ABCB5: variants seen among roughly 807,000 people sequenced by gnomAD.
ABCB5 encodes ATP-binding cassette sub-family B member 5.
A neutral mutation model predicts 144.2 loss-of-function variants in ABCB5; 155 were observed. That is an observed-to-expected ratio of 1.08 (90% CI 0.94 to 1.23). The LOEUF is 1.23. Among genes scored for constraint, ABCB5 ranks in the 50% most tolerant of loss-of-function variants. ABCB5 has a pLI of 0.00. For missense variants in ABCB5, 1,830 were observed against 1,520.8 expected (o/e 1.20, Z -3.38); for synonymous variants, 610 against 528.6 (o/e 1.15, Z -2.11).
At chr7:20,667,435 A>C in intron 14 of ABCB5, 2 of 985,586 alleles carry the variant, frequency 2.0e-6, no homozygotes, top group Non-Finnish European at 2.4e-6. Context: ...TGGAATTCTC[A>C]GACCTTTTCT....
At position 20,627,532 on chromosome 7, in the gene ABCB5, C is replaced by A. The variant is rs535416636; in HGVS notation, c.108+921C>A. Among the ~76,000 whole-genome samples, 5 of 152,110 alleles carry A rather than the reference C, an allele frequency of 3.3e-5. No individual in the cohort carries two copies. The East Asian group carries it at 9.6e-4, about 29-fold the overall frequency. ...TTTTGGCCTCTCTCGGTAATATAAA[C>A]AATCCATATTTTCAATTTTGCTCAT... On this transcript the variant is annotated intron_variant, in intron 3 of 27. Coordinates refer to ENST00000404938, the MANE Select transcript of ABCB5 (RefSeq NM_001163941.2).
At chr7:20,634,033 CCT>C (rs1784096394) in intron 5 of ABCB5, among the ~76,000 whole-genome samples, 1 of 152,006 alleles carries the variant, frequency 6.6e-6, no homozygotes, top group African/African-American at 2.4e-5. Flanking sequence ...ACCCTTTCAG[CCT>C]CTGAGTCTCC....
intron 23 of ABCB5, among the ~76,000 whole-genome samples, chr7:20,734,451 G>A (rs903511280): frequency 6.7e-6 from 1 of 149,382 alleles, no homozygotes; most frequent in African/African-American, 2.5e-5. Flanking sequence ...GTATGGGGCA[G>A]GAATCTTCAT....
At chr7:20,640,260 T>G (rs1039014027) in intron 5 of ABCB5, among the ~76,000 whole-genome samples, 1 of 152,180 alleles carries the variant, frequency 6.6e-6, no homozygotes, top group East Asian at 1.9e-4. Context: ...ATTCTGAAGA[T>G]TACTCTTAGG....
chr7:20,741,194 A>C (rs1392114247), intron 24 of ABCB5, among the ~76,000 whole-genome samples: 7 of 151,990 alleles, frequency 4.6e-5, no homozygotes, highest in Non-Finnish European at 7.4e-5. Context: ...CCATTTATTA[A>C]ATTTTTCTCT....
chr7:20,678,876 A>T (rs1218924280), intron 14 of ABCB5, among the ~76,000 whole-genome samples: 1 of 152,186 alleles, frequency 6.6e-6, no homozygotes, highest in Admixed American at 6.5e-5. Flanking sequence ...TATAGTAGGG[A>T]AATGATGGTC....
intron 20 of ABCB5, among the ~76,000 whole-genome samples, chr7:20,715,876 C>T (rs190251643): frequency 1.3e-5 from 2 of 152,092 alleles, no homozygotes; most frequent in East Asian, 1.9e-4. Context: ...CCCACCACCA[C>T]GCCCAGCTAA....
At chr7:20,669,689 TC>T (rs1785397004) in intron 14 of ABCB5, among the ~76,000 whole-genome samples, 1 of 57,162 alleles carries the variant, frequency 1.7e-5, no homozygotes, top group Non-Finnish European at 3.5e-5. Context: ...CCCTGCCAAA[TC>T]CCCCTCTGCG....
At chr7:20,669,781 T>C (rs1482993769) in intron 14 of ABCB5, among the ~76,000 whole-genome samples, 2 of 9,044 alleles carry the variant, frequency 2.2e-4, no homozygotes, top group African/African-American at 4.7e-4. Context: ...ACAGAATAAA[T>C]AGAGATTTAT....
chr7:20,737,752 TA>T (rs397952067), intron 23 of ABCB5, among the ~76,000 whole-genome samples: 18 of 146,828 alleles, frequency 1.2e-4, no homozygotes, highest in South Asian at 4.4e-4. Flanking sequence ...AAAACACATT[TA>T]AAAAAAAAAA....
chr7:20,673,173 G>A (rs1163782195), intron 14 of ABCB5, among the ~76,000 whole-genome samples: 6 of 152,008 alleles, frequency 3.9e-5, no homozygotes, highest in African/African-American at 9.7e-5. Flanking sequence ...ATTAAGAGTC[G>A]TTTTATGGCA....
chr7:20,714,591 C>G (rs906873147), intron 20 of ABCB5, among the ~76,000 whole-genome samples: 1 of 152,046 alleles, frequency 6.6e-6, no homozygotes, highest in African/African-American at 2.4e-5. Context: ...ACCACCAACA[C>G]CGAAAAGCAG....
intron 14 of ABCB5, chr7:20,658,958 C>T: frequency 7.8e-7 from 1 of 1,283,714 alleles, no homozygotes; most frequent in Non-Finnish European, 1.1e-6. Flanking sequence ...CACTTTCCAC[C>T]TCCCTAGAGT....
intron 20 of ABCB5, among the ~76,000 whole-genome samples, chr7:20,717,865 T>A (rs13244453): frequency 6.9e-6 from 1 of 144,970 alleles, no homozygotes. Flanking sequence ...CCAAATACGG[T>A]AACATTCTTG....
chr7:20,638,955 T>C (rs1784224575), intron 5 of ABCB5, among the ~76,000 whole-genome samples: 1 of 152,028 alleles, frequency 6.6e-6, no homozygotes, highest in African/African-American at 2.4e-5. Context: ...TCAAAGTGGC[T>C]ACACCATTTT....
chr7:20,754,294 T>C (rs1783017828), intron 27 of ABCB5, among the ~76,000 whole-genome samples: 1 of 152,222 alleles, frequency 6.6e-6, no homozygotes, highest in Non-Finnish European at 1.5e-5. Context: ...TGATTGCTGC[T>C]TGAAGATGAT....
intron 20 of ABCB5, among the ~76,000 whole-genome samples, chr7:20,720,791 A>G (rs565910573): frequency 6.6e-6 from 1 of 151,794 alleles, no homozygotes; most frequent in African/African-American, 2.4e-5. Flanking sequence ...TAAAAATACA[A>G]AAATTAGCCG....
chr7:20,657,765 T>G (rs549766256), intron 13 of ABCB5, among the ~76,000 whole-genome samples: 1 of 152,244 alleles, frequency 6.6e-6, no homozygotes, highest in Non-Finnish European at 1.5e-5. Context: ...TTTTATTGTG[T>G]GTAAATTTCT....
chr7:20,707,333 AAT>A (rs1786855117), intron 20 of ABCB5, among the ~76,000 whole-genome samples: 1 of 152,188 alleles, frequency 6.6e-6, no homozygotes, highest in African/African-American at 2.4e-5. Flanking sequence ...ATGCTAGTGA[AAT>A]AGAGTCATAG....
Sources: gnomAD v4.1 joint callset for allele counts (sites outside exome capture counted in the v4.1 genomes callset) on GRCh38, gnomAD v4.1.1 for gene constraint, MANE v1.5 for transcripts, NCBI Gene and HGNC (gene_info 2026-07-23, HGNC 2026-07-21) for gene names.